Variants in DCP1A observed in about 807,000 individuals in gnomAD.
DCP1A encodes the protein decapping mRNA 1A.
DCP1A carries 20 observed loss-of-function variants against 58.0 expected under a neutral mutation model. That is an observed-to-expected ratio of 0.34 (90% CI 0.24 to 0.50). The LOEUF is 0.50. DCP1A is among the 20% of genes least tolerant of loss of function. The probability of loss-of-function intolerance (pLI) is 0.98; values close to 1 mark genes in which losing one functional copy is unlikely to be tolerated. For missense variants in DCP1A, 613 were observed against 712.2 expected (o/e 0.86, Z 1.59); for synonymous variants, 285 against 275.1 (o/e 1.04, Z -0.36).
At chr3:53,301,080 AG>A (rs1707300069) in intron 6 of DCP1A, among the ~76,000 whole-genome samples, 1 of 152,220 alleles carries the variant, frequency 6.6e-6, no homozygotes, top group South Asian at 2.1e-4. Context: ...TGATTTAGAA[AG>A]GGGAAGTAGT....
intron 3 of DCP1A, among the ~76,000 whole-genome samples, chr3:53,327,174 G>A (rs1553690676): frequency 6.6e-6 from 1 of 152,068 alleles, no homozygotes; most frequent in South Asian, 2.1e-4. Flanking sequence ...AAAAAGGGGG[G>A]GAACTTCTTT....
intron 6 of DCP1A, among the ~76,000 whole-genome samples, chr3:53,302,328 G>T (rs1225980860): frequency 6.6e-6 from 1 of 152,120 alleles, no homozygotes; most frequent in Non-Finnish European, 1.5e-5. Context: ...GATTTTATTT[G>T]ATATCTGTTC....
intron 6 of DCP1A, among the ~76,000 whole-genome samples, chr3:53,300,460 C>T (rs1276477947): frequency 6.6e-6 from 1 of 151,810 alleles, no homozygotes; most frequent in Non-Finnish European, 1.5e-5. Flanking sequence ...GCCTCAGCCT[C>T]TCAAGTAGCT....
chr3:53,298,159 A>T (rs1313594175), intron 6 of DCP1A, among the ~76,000 whole-genome samples: 1 of 152,196 alleles, frequency 6.6e-6, no homozygotes, highest in Non-Finnish European at 1.5e-5. Context: ...TTGAGGTTAC[A>T]GTGAGCTATG....
intron 1 of DCP1A, among the ~76,000 whole-genome samples, chr3:53,345,828 G>C (rs931334462): frequency 6.6e-6 from 1 of 151,292 alleles, no homozygotes; most frequent in African/African-American, 2.5e-5. Flanking sequence ...AAAATGTTAG[G>C]TTATTACTAT....
intron 3 of DCP1A, among the ~76,000 whole-genome samples, chr3:53,321,632 T>C (rs1486988922): frequency 2.0e-5 from 3 of 152,138 alleles, no homozygotes; most frequent in African/African-American, 4.8e-5. Context: ...GACAGGAGAA[T>C]TGCTTGAATC....
rs1706578644 is a variant in DCP1A, at chr3:53,284,988, G to A, written c.*2592C>T. ...AGGAACAAGGCTGTCTGGGAGGCCT[G>A]AGAGTCCATTAAAAGACACCGCATT... On this transcript the variant is annotated 3_prime_UTR_variant, in exon 10 of 10. Transcript: ENST00000610213. The A allele has an allele frequency of 6.6e-6, 1 of 152,204 alleles. No individual in the cohort carries two copies. The highest frequency in any genetic ancestry group is 1.5e-5 in the Non-Finnish European group (1 of 68,076). The allele number at this position is 152,204 out of a possible 1,614,324, so 9.4% of individuals were successfully genotyped here.
rs1049684597 is a variant in DCP1A at position 53,285,699 on chromosome 3, C to T, written c.*1881G>A. 3 of 152,022 alleles carry T rather than the reference C, an allele frequency of 2.0e-5. No homozygotes were observed. The highest frequency in any genetic ancestry group is 7.2e-5 in the African/African-American group (3 of 41,380). 9.4% of individuals were successfully genotyped at this position (152,022 alleles called of 1,614,324 possible). A position where few individuals can be genotyped will look rare whatever the true frequency, so the allele number is the denominator to read the frequency against. On this transcript the variant is annotated 3_prime_UTR_variant, in exon 10 of 10. Coordinates refer to ENST00000610213, the MANE Select transcript of DCP1A (RefSeq NM_018403.7). ...AAAGCATAATTTCGATTCAAGAATC[C>T]CTTGATTCGTCTGTTCACCGAAGCC...
intron 8 of DCP1A, among the ~76,000 whole-genome samples, chr3:53,290,038 A>C (rs1175291222): frequency 4.6e-5 from 7 of 152,226 alleles, no homozygotes; most frequent in African/African-American, 1.7e-4. Flanking sequence ...GCTCCCATTT[A>C]AACTCCAAGA....
chr3:53,288,758 T>TCCAA (rs1469872680), intron 8 of DCP1A, among the ~76,000 whole-genome samples: 1 of 152,170 alleles, frequency 6.6e-6, no homozygotes, highest in Non-Finnish European at 1.5e-5. Flanking sequence ...ATGTTTTGGC[T>TCCAA]GGGCGCAGTG....
intron 5 of DCP1A, among the ~76,000 whole-genome samples, chr3:53,312,017 C>T (rs912633994): frequency 1.3e-5 from 2 of 152,040 alleles, no homozygotes; most frequent in African/African-American, 4.8e-5. Context: ...GTGGCACAAT[C>T]ATAGCCCACT....
At chr3:53,290,723 T>G in intron 8 of DCP1A, 68 bp downstream of exon 8, 1 of 1,264,612 alleles carries the variant, frequency 7.9e-7, no homozygotes, top group Non-Finnish European at 1.1e-6. Context: ...TCTTTCTACT[T>G]TCTCACTATG....
chr3:53,299,440 T>C (rs1020843257), intron 6 of DCP1A, among the ~76,000 whole-genome samples: 3 of 152,236 alleles, frequency 2.0e-5, no homozygotes, highest in African/African-American at 7.2e-5. Flanking sequence ...CAACAGCATG[T>C]ACAGCACAGG....
intron 6 of DCP1A, among the ~76,000 whole-genome samples, chr3:53,298,649 T>C (rs1424888510): frequency 6.6e-6 from 1 of 152,202 alleles, no homozygotes; most frequent in Non-Finnish European, 1.5e-5. Flanking sequence ...TGCCACCATA[T>C]GGAGATGTCA....
chr3:53,337,270 A>G (rs2089133647), intron 3 of DCP1A, among the ~76,000 whole-genome samples: 1 of 152,218 alleles, frequency 6.6e-6, no homozygotes, highest in African/African-American at 2.4e-5. Flanking sequence ...GTAAAGAGAC[A>G]CAAAGAGCCT....
At chr3:53,310,920 C>CT (rs1466496089) in intron 5 of DCP1A, among the ~76,000 whole-genome samples, 5 of 152,184 alleles carry the variant, frequency 3.3e-5, no homozygotes, top group African/African-American at 1.2e-4. Context: ...TTTCAGAACA[C>CT]TTTTTTCAAA....
At position 53,332,782 on chromosome 3, in the gene DCP1A, G is replaced by A. The variant is rs530956662; in HGVS notation, c.304+9362C>T. 1.6e-4 allele frequency among the ~76,000 whole-genome samples: 25 copies of A among 151,744 alleles called. No individual in the cohort carries two copies. The East Asian group carries it at 4.5e-3, about 27-fold the overall frequency. The stretch of plus-strand genomic sequence containing the variant: ...CGGGAGGCTAAGGCAGGAGAATGGC[G>A]TGAACCCGGGTCGTGGAGCTTGCCT... On this transcript the variant is annotated intron_variant, in intron 3 of 9. Transcript: ENST00000610213.
intron 4 of DCP1A, among the ~76,000 whole-genome samples, chr3:53,316,959 A>G (rs1247522329): frequency 6.6e-6 from 1 of 152,090 alleles, no homozygotes; most frequent in Non-Finnish European, 1.5e-5. Context: ...GAAATCTTGC[A>G]TTAGGGGTAA....
intron 3 of DCP1A, among the ~76,000 whole-genome samples, chr3:53,326,794 TA>T: frequency 6.6e-6 from 1 of 152,358 alleles, no homozygotes; most frequent in South Asian, 2.1e-4. Context: ...TTTCATTATT[TA>T]TTACAACACC....
Sources: allele counts gnomAD v4.1 joint callset (sites outside exome capture counted in the v4.1 genomes callset), GRCh38; gene constraint gnomAD v4.1.1; transcripts MANE v1.5; gene names NCBI Gene and HGNC (gene_info 2026-07-23, HGNC 2026-07-21).